The following IQUB variants were observed in gnomAD, a reference collection of about 807,000 sequenced individuals.
IQUB encodes IQ motif and ubiquitin domain containing.
IQUB carries 86 observed loss-of-function variants against 86.4 expected under a neutral mutation model. The ratio of observed to expected loss-of-function variants is 1.00; its 90% CI spans 0.84 to 1.19. The LOEUF (loss-of-function observed/expected upper bound fraction) is 1.19, where lower values mean the gene tolerates loss of function less well. IQUB is among the 50% of genes most tolerant of loss of function. IQUB has a pLI of 0.00. For synonymous variants in IQUB, 289 were observed against 304.5 expected (o/e 0.95, Z 0.53); for missense variants, 946 against 916.9 (o/e 1.03, Z -0.41).
At chr7:123,505,184 C>G (rs1796121446) in intron 3 of IQUB, among the ~76,000 whole-genome samples, 1 of 152,200 alleles carries the variant, frequency 6.6e-6, no homozygotes. Context: ...AGCTCTACCC[C>G]TGTGGCTCCA....
chr7:123,469,137 T>C lies in IQUB; in HGVS notation c.1581+77A>G. 4.0e-6 allele frequency: 4 copies of C among 997,784 alleles called. No individual in the cohort carries two copies. The South Asian group carries it at 8.9e-5, about 22-fold the overall frequency. 61.8% of individuals were successfully genotyped at this position (997,784 alleles called of 1,614,324 possible). ...AAACAATTCTTAATGTAAAACACTT[T>C]ACTTGTTTTAGTATTTCATTAATTT... On this transcript the variant is annotated intron_variant, in intron 9 of 12. Transcript: ENST00000324698.
At chr7:123,493,475 A>AT (rs1795563453) in intron 7 of IQUB, among the ~76,000 whole-genome samples, 1 of 152,160 alleles carries the variant, frequency 6.6e-6, no homozygotes, top group African/African-American at 2.4e-5. Context: ...GTATCCTGAT[A>AT]TCTCACCTAT....
intron 12 of IQUB, chr7:123,456,693 T>C (rs746237689): frequency 6.6e-6 from 1 of 152,080 alleles, no homozygotes; most frequent in African/African-American, 2.4e-5. Context: ...GGACCTAGTG[T>C]AAATGGAGCT....
At chr7:123,473,591 T>C (rs1794628139) in intron 8 of IQUB, among the ~76,000 whole-genome samples, 2 of 152,312 alleles carry the variant, frequency 1.3e-5, no homozygotes, top group Admixed American at 1.3e-4. Context: ...GTTTTTTGTT[T>C]TTCTGATGGA....
In IQUB at chr7:123,493,675, TC is replaced by T. The variant is rs1280247467; in HGVS notation, c.1234+3020del. ...ATTTGCTAAAGCTGAATTACGTATA[TC>T]CTATGAACCAGCAATTCCACTGCTA... On this transcript the variant is annotated intron_variant, in intron 7 of 12. Transcript: ENST00000324698. Among the ~76,000 whole-genome samples, 19 of 151,600 alleles carry T rather than the reference TC, an allele frequency of 1.3e-4. 1 individual carries two copies. The highest frequency in any genetic ancestry group is 4.6e-4 in the African/African-American group (19 of 41,318).
intron 7 of IQUB, among the ~76,000 whole-genome samples, chr7:123,495,576 C>T (rs1795671685): frequency 6.6e-6 from 1 of 152,002 alleles, no homozygotes; most frequent in Non-Finnish European, 1.5e-5. Context: ...ACTAAAATAT[C>T]CCATTCAACT....
chr7:123,479,683 C>A, intron 8 of IQUB, 112 bp downstream of exon 8: 3 of 782,164 alleles, frequency 3.8e-6, no homozygotes, highest in Non-Finnish European at 4.0e-6. Context: ...TCATCAAAAT[C>A]CTAAACAAAA....
chr7:123,463,055 C>A (rs574123459), intron 10 of IQUB, among the ~76,000 whole-genome samples: 6 of 151,672 alleles, frequency 4.0e-5, no homozygotes, highest in African/African-American at 1.4e-4. Context: ...TTAAATCCAG[C>A]CAGTAGTTTG....
chr7:123,529,724 TAAAAAAAAAA>T lies in IQUB; in HGVS notation c.-5+4758_-5+4767del, dbSNP rs753026777. ...AACATAGTGAAACCCTGTCTCTACTTAAAAAAAAAAAAAAAAAAAAAAAAAAACAGGCTAG... is the reference window on the plus strand; with the variant it reads ...AACATAGTGAAACCCTGTCTCTACTTAAAAAAAAAAAAAAAAACAGGCTAG... On this transcript the variant is annotated intron_variant, in intron 1 of 12. Coordinates refer to ENST00000324698, the MANE Select transcript of IQUB (RefSeq NM_178827.5). 5.3e-4 allele frequency among the ~76,000 whole-genome samples: 19 copies of T among 35,824 alleles called. No individual in the cohort carries two copies. The East Asian group carries it at 5.7e-3, about 11-fold the overall frequency. 23.5% of individuals were successfully genotyped at this position (35,824 alleles called of 152,430 possible).
rs1383904470 is a variant in IQUB at position 123,479,988 on chromosome 7, T to C, written c.1235-18A>G. On this transcript the variant is annotated intron_variant, in intron 7 of 12. Coordinates refer to ENST00000324698, the MANE Select transcript of IQUB (RefSeq NM_178827.5). ...CCGCCAGACTAGAGGAATAACACAA[T>C]AGACTCTTGAGTTTTTAAAAATCCC... is the stretch of plus-strand genomic sequence containing the variant. 6 of 1,577,740 alleles carry C rather than the reference T, an allele frequency of 3.8e-6. No homozygotes were observed. Among genetic ancestry groups the C allele is most frequent in the Non-Finnish European group, 5.2e-6 (6 of 1,164,518 alleles).
intron 7 of IQUB, 119 bp downstream of exon 7, chr7:123,496,577 G>A (rs578053086): frequency 4.6e-5 from 27 of 585,478 alleles, no homozygotes; most frequent in Middle Eastern, 4.6e-4. Flanking sequence ...ATTCTCTACT[G>A]CAAATTTCCA....
In IQUB at chr7:123,452,490, T is replaced by C. The variant is rs1397408651; in HGVS notation, c.*253A>G. The stretch of plus-strand genomic sequence containing the variant: ...TTAAAAAATTTAATGTGAAAACACA[T>C]TTTAAAATGTTTTCTTTACCCCAAA... On this transcript the variant is annotated 3_prime_UTR_variant, in exon 13 of 13. Transcript: ENST00000324698. 1 of 279,864 alleles carries C rather than the reference T, an allele frequency of 3.6e-6. No individual in the cohort carries two copies. The highest frequency in any genetic ancestry group is 6.6e-6 in the Non-Finnish European group (1 of 152,598). The allele number at this position is 279,864 out of a possible 1,614,324, so 17.3% of individuals were successfully genotyped here.
chr7:123,497,980 G>A (rs1245499011), intron 6 of IQUB, among the ~76,000 whole-genome samples: 1 of 151,710 alleles, frequency 6.6e-6, no homozygotes, highest in South Asian at 2.1e-4. Context: ...CTGCAAAAGG[G>A]ATAGGTTCCT....
intron 1 of IQUB, among the ~76,000 whole-genome samples, chr7:123,534,150 TAA>T (rs975236316): frequency 1.5e-4 from 23 of 152,112 alleles, no homozygotes; most frequent in African/African-American, 4.3e-4. Flanking sequence ...CACGGAAGGC[TAA>T]GAGTCTCTAG....
intron 9 of IQUB, among the ~76,000 whole-genome samples, chr7:123,465,842 C>A (rs901993930): frequency 6.6e-6 from 1 of 151,894 alleles, no homozygotes; most frequent in Non-Finnish European, 1.5e-5. Context: ...TGTCCTCATA[C>A]CTGAGGAGCT....
In IQUB at chr7:123,464,877, T is replaced by A; in HGVS notation, c.1714A>T (p.Ile572Phe). 1 of 1,604,676 alleles carries A rather than the reference T, an allele frequency of 6.2e-7. No individual in the cohort carries two copies. The highest frequency in any genetic ancestry group is 8.5e-7 in the Non-Finnish European group (1 of 1,176,526). Reference sequence around the variant, plus strand: ...TCAGGATTAAACAGAGGTGTTTTGATATAATGAAAAAAGAGTGTCGCAATT... The same window carrying A: ...TCAGGATTAAACAGAGGTGTTTTGAAATAATGAAAAAAGAGTGTCGCAATT... The part of the protein sequence containing the change: ...KRIATLFFHY[I>F]KTPLFNPEVA... Residue 572 changes from isoleucine (I) to phenylalanine (F), a missense_variant, in exon 10 of 13, where the codon ATC becomes TTC. Transcript: ENST00000324698.
At chr7:123,509,137 T>C (rs1052512198) in intron 3 of IQUB, among the ~76,000 whole-genome samples, 3 of 152,150 alleles carry the variant, frequency 2.0e-5, no homozygotes, top group Non-Finnish European at 4.4e-5. Context: ...TATAAGTCAA[T>C]ATCAAAACTG....
At chr7:123,510,370 C>T (rs1796364285) in intron 2 of IQUB, among the ~76,000 whole-genome samples, 1 of 151,990 alleles carries the variant, frequency 6.6e-6, no homozygotes, top group African/African-American at 2.4e-5. Flanking sequence ...GAAAGAGAGA[C>T]CTGAGACAGA....
intron 8 of IQUB, among the ~76,000 whole-genome samples, chr7:123,476,960 A>G (rs1794771490): frequency 1.3e-5 from 2 of 152,228 alleles, no homozygotes; most frequent in Non-Finnish European, 2.9e-5. Context: ...ATGGAAGAAC[A>G]TGCCATGCTC....
Sources: gnomAD v4.1 joint callset for allele counts (sites outside exome capture counted in the v4.1 genomes callset) on GRCh38, gnomAD v4.1.1 for gene constraint, MANE v1.5 for transcripts, NCBI Gene and HGNC (gene_info 2026-07-23, HGNC 2026-07-21) for gene names.